The following RRAS2 variants were observed in gnomAD, a reference collection of about 807,000 sequenced individuals.
The protein encoded by RRAS2 is RAS related 2, also known as ras-related protein R-Ras2.
RRAS2 carries 7 observed loss-of-function variants against 27.6 expected under a neutral mutation model. The observed-to-expected ratio is 0.25, with a 90% CI of 0.14 to 0.48. RRAS2 has a LOEUF of 0.48. Among genes scored for constraint, RRAS2 ranks in the 20% least tolerant of loss-of-function variants. RRAS2 has a pLI of 0.99. For synonymous variants in RRAS2, 86 were observed against 90.9 expected, an observed-to-expected ratio of 0.95 and a Z score of 0.31; for missense variants, 178 against 256.2, an observed-to-expected ratio of 0.69 and a Z score of 2.08.
intron 1 of RRAS2, among the ~76,000 whole-genome samples, chr11:14,343,028 G>C (rs1341367944): frequency 6.6e-6 from 1 of 152,140 alleles, no homozygotes; most frequent in Non-Finnish European, 1.5e-5. Context: ...AAAGGAATGT[G>C]GGGTATTTTG....
At chr11:14,297,992 T>TAAA (rs141304907) in intron 1 of RRAS2, among the ~76,000 whole-genome samples, 155 of 143,402 alleles carry the variant, frequency 1.1e-3, no homozygotes, top group Admixed American at 4.5e-3. Flanking sequence ...TAACTAGCCT[T>TAAA]AAAAAAAAAA....
chr11:14,283,556 G>A (rs1164578780), intron 4 of RRAS2, among the ~76,000 whole-genome samples: 2 of 152,048 alleles, frequency 1.3e-5, no homozygotes, highest in African/African-American at 2.4e-5. Flanking sequence ...TTTGAGGTAC[G>A]TTTTTAAAAC....
At chr11:14,349,182 T>TTGC (rs1479680438) in intron 1 of RRAS2, among the ~76,000 whole-genome samples, 2 of 151,184 alleles carry the variant, frequency 1.3e-5, no homozygotes, top group African/African-American at 4.9e-5. Context: ...AGACAGAGTC[T>TTGC]TGCTCTGTCA....
rs554023024 is a variant in RRAS2, at chr11:14,358,994, C to G, written c.-124G>C. On this transcript the variant is annotated 5_prime_UTR_variant, in exon 1 of 6. Coordinates refer to ENST00000256196, the MANE Select transcript of RRAS2 (RefSeq NM_012250.6). The surrounding 1 kb of genome is among the most constrained non-coding windows in gnomAD (Gnocchi z 5.1). ...AGCGGCCGGGCTGGGGTCCCGGGTA[C>G]CGGGAGGCGTCTGGAGGGCCGGTCA... 6.1e-4 allele frequency: 694 copies of G among 1,143,370 alleles called. 2 individuals are homozygous for G. The Middle Eastern group carries it at 0.015, about 24-fold the overall frequency. The allele number at this position is 1,143,370 out of a possible 1,614,324, so 70.8% of individuals were successfully genotyped here. A position where few individuals can be genotyped will look rare whatever the true frequency, so the allele number is the denominator to read the frequency against.
chr11:14,352,756 T>G (rs55960864), intron 1 of RRAS2, among the ~76,000 whole-genome samples: 32,964 of 128,360 alleles, frequency 0.26, 3,753 homozygotes, highest in Admixed American at 0.3. Flanking sequence ...TATATATATA[T>G]AGAGAGAGAG....
At chr11:14,353,332 G>C (rs1321801876) in intron 1 of RRAS2, among the ~76,000 whole-genome samples, 1 of 151,980 alleles carries the variant, frequency 6.6e-6, no homozygotes, top group Non-Finnish European at 1.5e-5. Context: ...GCTCCCACTC[G>C]GCCAGGCATG....
chr11:14,346,350 T>C (rs1046239114), intron 1 of RRAS2, among the ~76,000 whole-genome samples: 3 of 152,232 alleles, frequency 2.0e-5, no homozygotes, highest in Admixed American at 2.0e-4. Context: ...TGTTTCATCA[T>C]TTCCCTGAGA....
chr11:14,302,268 C>CT, intron 1 of RRAS2, among the ~76,000 whole-genome samples: 1 of 152,172 alleles, frequency 6.6e-6, no homozygotes, highest in Non-Finnish European at 1.5e-5. Flanking sequence ...TTTAAGACAG[C>CT]ATTTCCCTAT....
chr11:14,339,590 G>A (rs554531042), intron 1 of RRAS2, among the ~76,000 whole-genome samples: 5 of 152,156 alleles, frequency 3.3e-5, no homozygotes, highest in East Asian at 1.9e-4. Flanking sequence ...AACAACAGAC[G>A]TCAGATATTT....
intron 1 of RRAS2, among the ~76,000 whole-genome samples, chr11:14,334,093 CA>C (rs1446701304): frequency 6.6e-6 from 1 of 152,164 alleles, no homozygotes; most frequent in African/African-American, 2.4e-5. Flanking sequence ...ATTACTTCAT[CA>C]GAAAAAGTTA....
chr11:14,310,501 A>C (rs372756934), intron 1 of RRAS2, among the ~76,000 whole-genome samples: 4 of 152,364 alleles, frequency 2.6e-5, no homozygotes, highest in African/African-American at 9.6e-5. Context: ...AATGGTAGCC[A>C]GGAGGCCAAG....
chr11:14,326,779 G>GCTATTCTGTTCT lies in RRAS2; in HGVS notation c.109-30925_109-30924insAGAACAGAATAG, dbSNP rs370653743. On this transcript the variant is annotated intron_variant, in intron 1 of 5. Coordinates refer to ENST00000256196, the MANE Select transcript of RRAS2 (RefSeq NM_012250.6). ...TCAATCCTATTAAGAATATGATTTT[G>GCTATTCTGTTCT]GCCGGGCGCGGTGGCTCACGCCTGT... 1.1e-3 allele frequency among the ~76,000 whole-genome samples: 111 copies of GCTATTCTGTTCT among 97,144 alleles called. 26 individuals carry two copies. The highest frequency in any genetic ancestry group is 2.1e-3 in the East Asian group (8 of 3,802). The allele number at this position is 97,144 out of a possible 152,430, so 63.7% of individuals were successfully genotyped here.
chr11:14,292,364 C>A (rs561373909), intron 4 of RRAS2, among the ~76,000 whole-genome samples: 22 of 152,156 alleles, frequency 1.4e-4, no homozygotes, highest in African/African-American at 5.3e-4. Flanking sequence ...GATCCTATTT[C>A]TATATTCAGG....
intron 1 of RRAS2, among the ~76,000 whole-genome samples, chr11:14,330,973 C>A (rs1436850678): frequency 6.6e-6 from 1 of 152,184 alleles, no homozygotes; most frequent in African/African-American, 2.4e-5. Context: ...GTGGTGTGCA[C>A]TGGCGTGATC....
rs556762660 is a variant in RRAS2, at chr11:14,317,620, T to C, written c.109-21765A>G. On this transcript the variant is annotated intron_variant, in intron 1 of 5. Transcript: ENST00000256196. The stretch of plus-strand genomic sequence containing the variant: ...TCTTAAAAGGCAAGATGAATTCATA[T>C]TGACATTTCACTAAATTATTTGGGA... 9.2e-5 allele frequency among the ~76,000 whole-genome samples: 14 copies of C among 152,342 alleles called. No homozygotes were observed. In the East Asian group the frequency reaches 2.7e-3, roughly 29 times the overall value.
At chr11:14,280,189 G>A (rs1849484408) in intron 5 of RRAS2, among the ~76,000 whole-genome samples, 1 of 151,976 alleles carries the variant, frequency 6.6e-6, no homozygotes, top group East Asian at 1.9e-4. Flanking sequence ...TATACAATTT[G>A]ATGGTATCAA....
chr11:14,357,770 T>C (rs146228475), intron 1 of RRAS2, among the ~76,000 whole-genome samples: 13 of 152,324 alleles, frequency 8.5e-5, no homozygotes, highest in Middle Eastern at 6.8e-3. Context: ...AAAATATCCT[T>C]GTTTCCTGTT....
chr11:14,340,063 G>T, intron 1 of RRAS2, among the ~76,000 whole-genome samples: 1 of 150,188 alleles, frequency 6.7e-6, no homozygotes, highest in East Asian at 2.0e-4. Context: ...GGTTGTGGGG[G>T]AGGTTGCAGT....
intron 4 of RRAS2, among the ~76,000 whole-genome samples, chr11:14,292,873 C>T (rs1354883919): frequency 1.3e-5 from 2 of 151,554 alleles, no homozygotes; most frequent in African/African-American, 4.9e-5. Context: ...TTTGGGAGGC[C>T]GAGGTGGGTG....
Sources: gnomAD v4.1 joint callset for allele counts (sites outside exome capture counted in the v4.1 genomes callset) on GRCh38, gnomAD v4.1.1 for gene constraint, Gnocchi (gnomAD v3.1) non-coding constraint, MANE v1.5 for transcripts, NCBI Gene and HGNC (gene_info 2026-07-23, HGNC 2026-07-21) for gene names.